ZZEF1: variants seen among roughly 807,000 people sequenced by gnomAD.
ZZEF1 encodes the protein zinc finger ZZ-type and EF-hand domain containing 1, also known as zinc finger ZZ-type and EF-hand domain-containing protein 1.
Under a neutral mutation model 342.8 loss-of-function variants are expected in ZZEF1, and 157 were observed. That is an observed-to-expected ratio of 0.46 (90% CI 0.40 to 0.52). ZZEF1 has a LOEUF of 0.52. Among genes scored for constraint, ZZEF1 ranks in the 20% least tolerant of loss-of-function variants. The probability of loss-of-function intolerance (pLI) is 0.00; values close to 1 mark genes in which losing one functional copy is unlikely to be tolerated. For synonymous variants in ZZEF1, 1,505 were observed against 1,429.1 expected (o/e 1.05, Z -1.20); for missense variants, 3,480 against 3,725.6 (o/e 0.93, Z 1.72).
intron 9 of ZZEF1, among the ~76,000 whole-genome samples, chr17:4,097,152 T>A (rs2058049415): frequency 1.3e-5 from 2 of 151,068 alleles, no homozygotes; most frequent in Admixed American, 6.6e-5. Flanking sequence ...TCCCACCTAC[T>A]CGGGAGGCTG....
rs546316407 is a variant in ZZEF1, at chr17:4,076,788, G to A, written c.3112-29C>T. 15 of 1,608,676 alleles carry A rather than the reference G, an allele frequency of 9.3e-6. No individual in the cohort carries two copies. The Admixed American group carries it at 1.0e-4, about 11-fold the overall frequency. ...ATGGAAGATGGATGAAGCACTCAGC[G>A]TCCACCTTAGGCTGGGCCTGGGGAT... On this transcript the variant is annotated intron_variant, in intron 20 of 54. Coordinates refer to ENST00000381638, the MANE Select transcript of ZZEF1 (RefSeq NM_015113.4).
intron 3 of ZZEF1, among the ~76,000 whole-genome samples, chr17:4,116,647 T>C (rs1386261189): frequency 6.6e-6 from 1 of 152,212 alleles, no homozygotes; most frequent in African/African-American, 2.4e-5. Context: ...TCAATAATGC[T>C]ACAACTTCAG....
chr17:4,114,506 C>A (rs1374832272), intron 3 of ZZEF1, 36 bp from the exon 4 acceptor site: 2 of 1,400,766 alleles, frequency 1.4e-6, no homozygotes, highest in Non-Finnish European at 1.9e-6. Flanking sequence ...TATGACATCC[C>A]TTTCACAAAG....
Position 4,008,283 on chromosome 17 carries a change from CTCAG to C in ZZEF1, c.8805+596_8805+599del. The C allele has an allele frequency of 6.4e-6, 1 of 156,900 alleles. No homozygotes were observed. Among genetic ancestry groups the C allele is most frequent in the East Asian group, 1.9e-4 (1 of 5,218 alleles). The allele number at this position is 156,900 out of a possible 1,614,324, so 9.7% of individuals were successfully genotyped here. ...TTGGTCACCTATTTGTCCCAGAGCA[CTCAG>C]TAATTACTTTGTTTTGAAAAGTTAG... On this transcript the variant is annotated intron_variant, in intron 54 of 54. Transcript: ENST00000381638. This position sits in a 1 kb window ranked among gnomAD's most constrained non-coding sequence, Gnocchi z 4.2.
At chr17:4,067,576 T>C (rs954012816) in intron 26 of ZZEF1, among the ~76,000 whole-genome samples, 2 of 152,158 alleles carry the variant, frequency 1.3e-5, no homozygotes, top group African/African-American at 2.4e-5. Flanking sequence ...TTTATTGATA[T>C]GGAAGAAAGT....
intron 37 of ZZEF1, among the ~76,000 whole-genome samples, chr17:4,048,646 A>G (rs2056976592): frequency 2.0e-5 from 3 of 152,310 alleles, no homozygotes; most frequent in Admixed American, 2.0e-4. Flanking sequence ...CATCAGTAAC[A>G]CCTAACTGTT....
intron 8 of ZZEF1, among the ~76,000 whole-genome samples, chr17:4,102,726 G>C (rs76625817): frequency 0.014 from 2,113 of 152,170 alleles, 46 homozygotes; most frequent in African/African-American, 0.048. Flanking sequence ...ATTTGGGGGG[G>C]TGATTCCTAA....
At chr17:4,103,990 G>A (rs144883538) in intron 8 of ZZEF1, among the ~76,000 whole-genome samples, 3 of 152,274 alleles carry the variant, frequency 2.0e-5, no homozygotes, top group African/African-American at 7.2e-5. Context: ...ACCACATATT[G>A]TGGAGTCCAG....
At chr17:4,054,988 G>T (rs9894282) in intron 33 of ZZEF1, among the ~76,000 whole-genome samples, 23,388 of 152,152 alleles carry the variant, frequency 0.15, 1,917 homozygotes, top group African/African-American at 0.2. Context: ...TTTCTGGCTT[G>T]GGTACGTGGT....
chr17:4,064,742 G>T lies in ZZEF1; in HGVS notation c.4337C>A (p.Thr1446Asn), dbSNP rs760312701. ...CTGGAGATGACTGGTTTCATCAGCA[G>T]TCTCCAACTTTTCGCAGCTTTCTTT... ...SSKESCEKLE[T>N]ADETSHLQPL... Residue 1446 changes from threonine (T) to asparagine (N), a missense_variant, in exon 29 of 55, where the codon ACT (threonine) becomes AAT (asparagine). Coordinates refer to ENST00000381638, the MANE Select transcript of ZZEF1 (RefSeq NM_015113.4). 3.1e-6 allele frequency: 5 copies of T among 1,613,842 alleles called. No individual in the cohort carries two copies. The African/African-American group carries it at 6.7e-5, about 22-fold the overall frequency.
At chr17:4,136,395 A>G (rs1244241507) in intron 1 of ZZEF1, among the ~76,000 whole-genome samples, 3 of 151,900 alleles carry the variant, frequency 2.0e-5, no homozygotes, top group Non-Finnish European at 4.4e-5. Flanking sequence ...ATCTTGAACT[A>G]CAACCATAGA....
At chr17:4,112,065 TATATATATATATATATATATATATA>T (rs1183568184) in intron 5 of ZZEF1, among the ~76,000 whole-genome samples, 5 of 49,866 alleles carry the variant, frequency 1.0e-4, no homozygotes, top group Non-Finnish European at 3.8e-5. Flanking sequence ...TATATATATA[TATATATATATATATATATATATATA>T]TATGTTTTGT....
Position 4,114,476 on chromosome 17 carries a change from G to A in ZZEF1, c.695-6C>T. ...AGTTAGATCTCCAGGGCTTTCTGTA[G>A]GGGAAACCAGAGTTGATTATATGAC... On this transcript the variant is annotated splice_region_variant and splice_polypyrimidine_tract_variant and intron_variant, in intron 3 of 54. Coordinates refer to ENST00000381638, the MANE Select transcript of ZZEF1 (RefSeq NM_015113.4). 2 of 1,504,314 alleles carry A rather than the reference G, an allele frequency of 1.3e-6. No individual in the cohort carries two copies. The highest frequency in any genetic ancestry group is 1.8e-6 in the Non-Finnish European group (2 of 1,123,662). The allele number at this position is 1,504,314 out of a possible 1,614,324, so 93.2% of individuals were successfully genotyped here. A position where few individuals can be genotyped will look rare whatever the true frequency, so the allele number is the denominator to read the frequency against.
chr17:4,005,423 C>G lies in ZZEF1; in HGVS notation c.*1467G>C, dbSNP rs1052215350. The stretch of plus-strand genomic sequence containing the variant: ...GTTCCAGGACCTGCCCCATGTGTTC[C>G]CGTCTCCCTTAAATCCCACCCTCCA... On this transcript the variant is annotated 3_prime_UTR_variant, in exon 55 of 55. Transcript: ENST00000381638. 5 of 152,460 alleles carry G rather than the reference C, an allele frequency of 3.3e-5. No homozygotes were observed. The highest frequency in any genetic ancestry group is 9.6e-5 in the African/African-American group (4 of 41,472). The allele number at this position is 152,460 out of a possible 1,614,324, so 9.4% of individuals were successfully genotyped here. A position where few individuals can be genotyped will look rare whatever the true frequency, so the allele number is the denominator to read the frequency against.
Position 4,016,601 on chromosome 17 carries a change from A to T in ZZEF1, c.8002-135T>A. 1 of 1,008,820 alleles carries T rather than the reference A, an allele frequency of 9.9e-7. No homozygotes were observed. Among genetic ancestry groups the T allele is most frequent in the Non-Finnish European group, 1.4e-6 (1 of 711,972 alleles). 62.5% of individuals were successfully genotyped at this position (1,008,820 alleles called of 1,614,324 possible). ...TAGGACGAGCCTCTGTGACTCCACC[A>T]CCCAAAACCAACTCCACCAGCCACC... On this transcript the variant is annotated intron_variant, in intron 48 of 54. Transcript: ENST00000381638. The surrounding 1 kb of genome is among the most constrained non-coding windows in gnomAD (Gnocchi z 4.4).
Position 4,112,696 on chromosome 17 carries a change from C to G in ZZEF1, c.979G>C (p.Asp327His). ...TGCACATCTCGGACTTCCTGAAGAT[C>G]GCTGGCATTCCTCCCTACAGCTACT... is the stretch of plus-strand genomic sequence containing the variant. The part of the protein sequence containing the change: ...VTVAVGRNAS[D>H]LQEVRDVHIP... Residue 327 changes from aspartate to histidine, a missense_variant, in exon 5 of 55, where the codon GAT (aspartate) becomes CAT (histidine). Physicochemically the swap from Asp to His is moderately conservative, Grantham distance 81. Transcript: ENST00000381638. The G allele has an allele frequency of 6.2e-7, 1 of 1,614,228 alleles. No homozygotes were observed. Among genetic ancestry groups the G allele is most frequent in the Non-Finnish European group, 8.5e-7 (1 of 1,180,040 alleles).
In ZZEF1 at chr17:4,104,841, T is replaced by C. The variant is rs113663102; in HGVS notation, c.1395-30A>G. 8.0e-4 allele frequency: 1,271 copies of C among 1,597,800 alleles called. 12 individuals carry two copies. The African/African-American group carries it at 0.015, about 19-fold the overall frequency. Reference sequence around the variant, plus strand: ...AAGCAAAGAGCAAAAACTTTTCACTTCTTAAAAACATGAAAAAATCCAGGT... The same window carrying C: ...AAGCAAAGAGCAAAAACTTTTCACTCCTTAAAAACATGAAAAAATCCAGGT... On this transcript the variant is annotated intron_variant, in intron 7 of 54. Coordinates refer to ENST00000381638, the MANE Select transcript of ZZEF1 (RefSeq NM_015113.4).
Position 4,025,012 on chromosome 17 carries a change from A to C in ZZEF1, c.6999T>G (p.Leu2333=). 1 of 1,614,206 alleles carries C rather than the reference A, an allele frequency of 6.2e-7. No homozygotes were observed. Among genetic ancestry groups the C allele is most frequent in the Non-Finnish European group, 8.5e-7 (1 of 1,180,040 alleles). Residue 2333 remains leucine, a synonymous_variant, in exon 43 of 55, where the codon CTT becomes CTG. Transcript: ENST00000381638. ...SQHFAFIASH[L]LQSSMDSHCP... is the part of the protein sequence containing the mutation. ...AATGGCTGTCCATGCTGCTTTGCAG[A>C]AGGTGACTGGCGATAAAGGCAAAGT... is the stretch of plus-strand genomic sequence containing the variant.
Position 4,014,310 on chromosome 17 carries a change from G to A in ZZEF1, c.8314+37C>T, listed in dbSNP as rs368322573. On this transcript the variant is annotated intron_variant, in intron 50 of 54. Coordinates refer to ENST00000381638, the MANE Select transcript of ZZEF1 (RefSeq NM_015113.4). This position sits in a 1 kb window ranked among gnomAD's most constrained non-coding sequence, Gnocchi z 4.4. ...TCAATATTAAGTTTAAACACTGCCT[G>A]TGAAGAACCTATCTAATCGAGTATT... is the stretch of plus-strand genomic sequence containing the variant. 6 of 1,613,240 alleles carry A rather than the reference G, an allele frequency of 3.7e-6. No homozygotes were observed. In the African/African-American group the frequency reaches 6.7e-5, roughly 18 times the overall value.
Sources: allele counts gnomAD v4.1 joint callset (sites outside exome capture counted in the v4.1 genomes callset), GRCh38; gene constraint gnomAD v4.1.1; non-coding constraint Gnocchi (gnomAD v3.1); transcripts MANE v1.5; gene names NCBI Gene and HGNC (gene_info 2026-07-23, HGNC 2026-07-21).